Variants in XYLT1 observed in about 807,000 individuals in gnomAD.
The protein encoded by XYLT1 is beta-D-xylosyltransferase 1.
In XYLT1, 36 loss-of-function variants were observed where a neutral mutation model predicts 91.3. The observed-to-expected ratio is 0.39, with a 90% CI of 0.30 to 0.52. XYLT1 has a LOEUF of 0.52. XYLT1 is among the 20% of genes least tolerant of loss of function. XYLT1 has a pLI of 0.68. For synonymous variants in XYLT1, 588 were observed against 532.0 expected (o/e 1.11, Z -1.45); for missense variants, 1,242 against 1,284.5 (o/e 0.97, Z 0.51).
At chr16:17,373,804 C>T (rs1400043213) in intron 1 of XYLT1, among the ~76,000 whole-genome samples, 1 of 152,206 alleles carries the variant, frequency 6.6e-6, no homozygotes, top group African/African-American at 2.4e-5. Flanking sequence ...GGAGATCCAG[C>T]TTGAGAACAC....
intron 11 of XYLT1, among the ~76,000 whole-genome samples, chr16:17,114,465 G>A (rs1054905485): frequency 2.6e-5 from 4 of 152,204 alleles, no homozygotes; most frequent in Middle Eastern, 3.2e-3. Flanking sequence ...GTCTGCTGCA[G>A]AACTGATTGC....
intron 5 of XYLT1, chr16:17,192,884 C>T (rs2032352126): frequency 6.8e-6 from 1 of 147,954 alleles, no homozygotes; most frequent in African/African-American, 2.5e-5. Flanking sequence ...ACGATCTCGG[C>T]TCATTGCAGC....
chr16:17,391,885 T>C (rs1212670204), intron 1 of XYLT1, among the ~76,000 whole-genome samples: 2 of 152,198 alleles, frequency 1.3e-5, no homozygotes, highest in African/African-American at 4.8e-5. Flanking sequence ...TTGGCTCTTA[T>C]TCTCTGTTGC....
intron 5 of XYLT1, among the ~76,000 whole-genome samples, chr16:17,175,987 C>A (rs1244275734): frequency 6.6e-6 from 1 of 152,104 alleles, no homozygotes; most frequent in Non-Finnish European, 1.5e-5. Flanking sequence ...AACCCCTCCA[C>A]TGGTCCTCAA....
Position 17,185,276 on chromosome 16 carries a change from G to C in XYLT1, c.1289+12936C>G, listed in dbSNP as rs117790311. Among the ~76,000 whole-genome samples the C allele has an allele frequency of 3.5e-3, 535 of 152,342 alleles. 4 individuals are homozygous for C. The highest frequency in any genetic ancestry group is 5.6e-3 in the Non-Finnish European group (379 of 68,032). ...TGAGGATATGTTTATTTTGTGACTA[G>C]AGGCAAACAAAACTGTTAACGGCAT... On this transcript the variant is annotated intron_variant, in intron 5 of 11. Transcript: ENST00000261381.
intron 6 of XYLT1, among the ~76,000 whole-genome samples, chr16:17,150,982 A>C (rs1425745984): frequency 6.6e-6 from 1 of 152,172 alleles, no homozygotes; most frequent in Admixed American, 6.5e-5. Flanking sequence ...GCTACAGGGA[A>C]GTCCTCAGCT....
At chr16:17,161,021 T>C (rs1597159806) in intron 5 of XYLT1, among the ~76,000 whole-genome samples, 1 of 152,096 alleles carries the variant, frequency 6.6e-6, no homozygotes, top group East Asian at 1.9e-4. Context: ...GTTGGAATAA[T>C]AAATAAGGTC....
chr16:17,329,550 C>G (rs2034865018), intron 2 of XYLT1, among the ~76,000 whole-genome samples: 1 of 152,170 alleles, frequency 6.6e-6, no homozygotes, highest in Admixed American at 6.6e-5. Flanking sequence ...ATTGCCCCAC[C>G]CTTTTCCCCT....
In XYLT1 at chr16:17,259,232, G is replaced by A. The variant is rs772956681; in HGVS notation, c.669C>T (p.Ala223=). 2.5e-6 allele frequency: 4 copies of A among 1,613,998 alleles called. No individual in the cohort carries two copies. Among genetic ancestry groups the A allele is most frequent in the South Asian group, 2.2e-5 (2 of 91,060 alleles). The part of the protein sequence containing the change: ...PGEVLPPGDR[A]AANSSHGKDV... ...CCTTCCCGTGGCTGCTGTTGGCTGCGGCTCTGTCCCCGGGAGGCAGCACCT... is the reference window on the plus strand; with the variant it reads ...CCTTCCCGTGGCTGCTGTTGGCTGCAGCTCTGTCCCCGGGAGGCAGCACCT... The change falls in exon 3 of 12, where the codon GCC becomes GCT. Residue 223 remains alanine, a synonymous_variant. Coordinates refer to ENST00000261381, the MANE Select transcript of XYLT1 (RefSeq NM_022166.4).
At chr16:17,185,216 A>C (rs1258592915) in intron 5 of XYLT1, among the ~76,000 whole-genome samples, 4 of 152,250 alleles carry the variant, frequency 2.6e-5, no homozygotes, top group Non-Finnish European at 5.9e-5. Flanking sequence ...CAAAAGCAGG[A>C]GTGTGTGCTC....
chr16:17,214,771 C>G (rs1290012759), intron 3 of XYLT1, among the ~76,000 whole-genome samples: 1 of 152,158 alleles, frequency 6.6e-6, no homozygotes, highest in African/African-American at 2.4e-5. Context: ...GAAATGGTGG[C>G]CATCATTATT....
intron 1 of XYLT1, among the ~76,000 whole-genome samples, chr16:17,447,388 A>G (rs567330686): frequency 2.0e-5 from 3 of 152,372 alleles, no homozygotes; most frequent in Non-Finnish European, 4.4e-5. Context: ...ACTGGAAAAC[A>G]GGACTCAAGC....
chr16:17,329,751 C>A (rs996550722), intron 2 of XYLT1, among the ~76,000 whole-genome samples: 1 of 152,158 alleles, frequency 6.6e-6, no homozygotes, highest in Non-Finnish European at 1.5e-5. Context: ...ACTTGGAAAT[C>A]TACACATGGA....
chr16:17,132,369 T>TGACTTGAGAAGGGGTG (rs1321663002), intron 9 of XYLT1, among the ~76,000 whole-genome samples: 7 of 148,422 alleles, frequency 4.7e-5, no homozygotes, highest in Admixed American at 1.3e-4. Flanking sequence ...ATGGCTTTGT[T>TGACTTGAGAAGGGGTG]GACTTGAGAA....
intron 9 of XYLT1, among the ~76,000 whole-genome samples, chr16:17,132,642 C>A (rs530613023): frequency 1.4e-4 from 21 of 152,334 alleles, no homozygotes; most frequent in Admixed American, 8.5e-4. Context: ...ATGGCTCATG[C>A]CTGTAATCTC....
chr16:17,194,630 G>A (rs1362448997), intron 5 of XYLT1, among the ~76,000 whole-genome samples: 1 of 152,220 alleles, frequency 6.6e-6, no homozygotes, highest in Non-Finnish European at 1.5e-5. Context: ...CATGGGGTGG[G>A]ACTGTTTCCT....
intron 3 of XYLT1, among the ~76,000 whole-genome samples, chr16:17,239,618 TGCATC>T: frequency 6.7e-6 from 1 of 150,140 alleles, no homozygotes; most frequent in Non-Finnish European, 1.5e-5. Flanking sequence ...CATCCATCCA[TGCATC>T]CCATTCATCC....
At chr16:17,146,984 T>C (rs1246995738) in intron 6 of XYLT1, among the ~76,000 whole-genome samples, 4 of 152,238 alleles carry the variant, frequency 2.6e-5, no homozygotes. Flanking sequence ...CAGTCCTCTC[T>C]GTGTCTCAGT....
rs1182334778 is a variant in XYLT1, at chr16:17,268,622, TAC to T, written c.403-9126_403-9125del. The stretch of plus-strand genomic sequence containing the variant: ...ATTTGTATTTTACTTCCATACACAA[TAC>T]ACACACACAGAACAGATAGAAATCG... On this transcript the variant is annotated intron_variant, in intron 2 of 11. Transcript: ENST00000261381. Among the ~76,000 whole-genome samples, 4 of 151,758 alleles carry T rather than the reference TAC, an allele frequency of 2.6e-5. No homozygotes were observed. In the East Asian group the frequency reaches 5.8e-4, roughly 22 times the overall value.
Sources: gnomAD v4.1 joint callset for allele counts (sites outside exome capture counted in the v4.1 genomes callset) on GRCh38, gnomAD v4.1.1 for gene constraint, MANE v1.5 for transcripts, NCBI Gene and HGNC (gene_info 2026-07-23, HGNC 2026-07-21) for gene names.